The following SVIL variants were observed in gnomAD, a reference collection of about 807,000 sequenced individuals.
SVIL encodes supervillin, also known as archvillin.
In SVIL, 101 loss-of-function variants were observed where a neutral mutation model predicts 240.4. The ratio of observed to expected loss-of-function variants is 0.42; its 90% confidence interval spans 0.36 to 0.50. SVIL has a LOEUF of 0.50. Ranked by LOEUF, SVIL falls within the 20% of genes least tolerant of loss-of-function variation. The probability of loss-of-function intolerance (pLI) is 0.01; values close to 1 mark genes in which losing one functional copy is unlikely to be tolerated. For synonymous variants in SVIL, 999 were observed against 1,100.0 expected, an observed-to-expected ratio of 0.91 and a Z score of 1.82; for missense variants, 2,512 against 2,818.7, an observed-to-expected ratio of 0.89 and a Z score of 2.46.
At chr10:29,459,250 A>AT (rs1943938602) in intron 36 of SVIL, among the ~76,000 whole-genome samples, 1 of 152,166 alleles carries the variant, frequency 6.6e-6, no homozygotes, top group Non-Finnish European at 1.5e-5. Context: ...AGCTGGCACT[A>AT]TTGGCATGTG....
At chr10:29,631,920 G>A (rs1958110953) in intron 1 of SVIL, among the ~76,000 whole-genome samples, 2 of 152,326 alleles carry the variant, frequency 1.3e-5, no homozygotes, top group East Asian at 3.9e-4. Context: ...CTGCTGGAAA[G>A]TTCTAGACCT....
intron 1 of SVIL, among the ~76,000 whole-genome samples, chr10:29,608,993 C>T (rs931083248): frequency 1.3e-5 from 2 of 152,196 alleles, no homozygotes. Context: ...GACCAATCAG[C>T]ATGCACTTCC....
At chr10:29,656,476 G>T (rs1455635869) in intron 3 of SVIL, among the ~76,000 whole-genome samples, 1 of 151,076 alleles carries the variant, frequency 6.6e-6, no homozygotes, top group African/African-American at 2.4e-5. Context: ...TTAAAAAAAA[G>T]AATAAATAAA....
intron 1 of SVIL, among the ~76,000 whole-genome samples, chr10:29,633,298 G>A (rs1215984420): frequency 2.5e-4 from 37 of 150,468 alleles, no homozygotes; most frequent in Non-Finnish European, 5.9e-5. Flanking sequence ...GCACACATCT[G>A]CCTGGCACTG....
chr10:29,697,352 A>G (rs1260370579), intron 1 of SVIL, among the ~76,000 whole-genome samples: 1 of 87,756 alleles, frequency 1.1e-5, no homozygotes, highest in African/African-American at 5.0e-5. Flanking sequence ...CATGATGACG[A>G]TGGCGGTTTT....
chr10:29,458,549 A>G lies in SVIL; in HGVS notation c.6443T>C (p.Val2148Ala). ...VSNQITLVED[V>A]LAKLCKTIYP... ...AATGGTTTTACAGAGCTTGGCTAAG[A>G]CGTCTTCCACGAGGGTGATCTGATT... The change falls in exon 37 of 38, where the codon GTC becomes GCC. Residue 2148 changes from valine (V) to alanine (A), a missense_variant. By Grantham distance (64) the Val-to-Ala change is moderately conservative. Coordinates refer to ENST00000355867, the MANE Select transcript of SVIL (RefSeq NM_021738.3). 1 of 1,612,208 alleles carries G rather than the reference A, an allele frequency of 6.2e-7. No homozygotes were observed. Among genetic ancestry groups the G allele is most frequent in the Non-Finnish European group, 8.5e-7 (1 of 1,179,246 alleles).
At chr10:29,704,731 C>T (rs1962770226) in intron 1 of SVIL, among the ~76,000 whole-genome samples, 1 of 152,132 alleles carries the variant, frequency 6.6e-6, no homozygotes, top group African/African-American at 2.4e-5. Flanking sequence ...CACTTGACCC[C>T]TCCTTGGCCA....
intron 16 of SVIL, among the ~76,000 whole-genome samples, chr10:29,518,154 T>C (rs553474250): frequency 6.6e-6 from 1 of 152,288 alleles, no homozygotes; most frequent in Non-Finnish European, 1.5e-5. Context: ...TTGGGAGGCC[T>C]AGACGGGTGG....
intron 17 of SVIL, among the ~76,000 whole-genome samples, chr10:29,503,359 T>C (rs1488027673): frequency 6.6e-6 from 1 of 152,190 alleles, no homozygotes; most frequent in Non-Finnish European, 1.5e-5. Context: ...AGGAAGGGAA[T>C]AAAGTAAAAT....
At chr10:29,566,479 A>G (rs1442590933) in intron 2 of SVIL, among the ~76,000 whole-genome samples, 2 of 152,208 alleles carry the variant, frequency 1.3e-5, no homozygotes, top group African/African-American at 4.8e-5. Context: ...GGCTCAAGGC[A>G]GTGCCACAAG....
intron 16 of SVIL, among the ~76,000 whole-genome samples, chr10:29,516,100 T>C (rs1440481392): frequency 6.6e-6 from 1 of 152,196 alleles, no homozygotes; most frequent in Non-Finnish European, 1.5e-5. Flanking sequence ...GAACATTAGC[T>C]GACCGGACAC....
At chr10:29,604,146 T>C (rs773924133) in intron 1 of SVIL, among the ~76,000 whole-genome samples, 3 of 152,062 alleles carry the variant, frequency 2.0e-5, no homozygotes, top group East Asian at 3.8e-4. Context: ...CACATTCACA[T>C]ACCTTTTATT....
chr10:29,540,310 A>G (rs921159717), intron 6 of SVIL, among the ~76,000 whole-genome samples: 2 of 152,182 alleles, frequency 1.3e-5, no homozygotes, highest in African/African-American at 4.8e-5. Flanking sequence ...CTAGGATGTG[A>G]CAGCCTCTGG....
At chr10:29,520,248 C>T (rs1950473106) in intron 16 of SVIL, among the ~76,000 whole-genome samples, 1 of 152,224 alleles carries the variant, frequency 6.6e-6, no homozygotes, top group Non-Finnish European at 1.5e-5. Context: ...ATGTGTAAAA[C>T]ATCAGAACTT....
At chr10:29,461,606 G>C (rs1367011340) in intron 36 of SVIL, among the ~76,000 whole-genome samples, 2 of 152,134 alleles carry the variant, frequency 1.3e-5, no homozygotes, top group African/African-American at 4.8e-5. Context: ...CCTTGGATTT[G>C]CTATTCCTAG....
At chr10:29,465,550 A>G (rs201067657) in intron 34 of SVIL, 45 bp downstream of exon 34, 393 of 1,544,028 alleles carry the variant, frequency 2.5e-4, no homozygotes, top group African/African-American at 1.8e-3. Flanking sequence ...TTTCTGGAAG[A>G]TGTGCCTTCT....
At chr10:29,531,344 C>G in intron 9 of SVIL, 56 bp from the exon 10 acceptor site, 1 of 1,447,836 alleles carries the variant, frequency 6.9e-7, no homozygotes, top group Non-Finnish European at 9.6e-7. Context: ...AGCAGAAGAT[C>G]GAAATAAAAC....
intron 1 of SVIL, among the ~76,000 whole-genome samples, chr10:29,632,241 G>A (rs1441414017): frequency 6.6e-6 from 1 of 152,152 alleles, no homozygotes; most frequent in Admixed American, 6.5e-5. Flanking sequence ...TGTAATCCCA[G>A]AACTTTGGGA....
Position 29,526,978 on chromosome 10 carries a change from G to A in SVIL, c.2325C>T (p.Ser775=), listed in dbSNP as rs761810261. The A allele has an allele frequency of 2.5e-6, 4 of 1,606,254 alleles. No homozygotes were observed. Among genetic ancestry groups the A allele is most frequent in the East Asian group, 2.2e-5 (1 of 44,834 alleles). Residue 775 remains serine (S), a synonymous_variant, in exon 13 of 38, where the codon AGC becomes AGT. Transcript: ENST00000355867. ...TCCAGTACCTGGCAGGCTGCACAGC[G>A]CTCCTAGCTACAGTGGGGCTAGGAA... ...ARLPSPTVAR[S]AVQPARLQAS...
Sources: gnomAD v4.1 joint callset for allele counts (sites outside exome capture counted in the v4.1 genomes callset) on GRCh38, gnomAD v4.1.1 for gene constraint, MANE v1.5 for transcripts, NCBI Gene and HGNC (gene_info 2026-07-23, HGNC 2026-07-21) for gene names.